The following SHANK2 variants were observed in gnomAD, a reference collection of about 807,000 sequenced individuals.
SHANK2 encodes SH3 and multiple ankyrin repeat domains protein 2.
A neutral mutation model predicts 133.7 loss-of-function variants in SHANK2; 43 were observed. The observed-to-expected ratio is 0.32, with a 90% CI of 0.25 to 0.41. The LOEUF (loss-of-function observed/expected upper bound fraction) is 0.41, where lower values mean the gene tolerates loss of function less well. Among genes scored for constraint, SHANK2 ranks in the 10% least tolerant of loss-of-function variants. The pLI is 1.00. For synonymous variants in SHANK2, 1,017 were observed against 952.8 expected (o/e 1.07, Z -1.24); for missense variants, 1,994 against 2,235.8 (o/e 0.89, Z 2.18).
intron 11 of SHANK2, among the ~76,000 whole-genome samples, chr11:70,831,414 A>C (rs572460305): frequency 6.6e-6 from 1 of 152,266 alleles, no homozygotes; most frequent in South Asian, 2.1e-4. Context: ...CTGGCTCTTC[A>C]GACACCAACT....
chr11:70,503,942 G>A (rs1175837208), intron 17 of SHANK2, among the ~76,000 whole-genome samples: 1 of 152,196 alleles, frequency 6.6e-6, no homozygotes, highest in Non-Finnish European at 1.5e-5. Context: ...AAAGGCCCCG[G>A]CCTCACCCCT....
Position 71,207,545 on chromosome 11 carries a change from G to A in SHANK2, c.-13+17152C>T, listed in dbSNP as rs1389619340. Among the ~76,000 whole-genome samples, 4 of 152,194 alleles carry A rather than the reference G, an allele frequency of 2.6e-5. No individual in the cohort carries two copies. The South Asian group carries it at 6.2e-4, about 24-fold the overall frequency. Reference sequence around the variant, plus strand: ...CCTCCTACATTAGGTTTGTTTGCTTGTTGTGGTGAATTACATTCTCTCTGA... The same window carrying A: ...CCTCCTACATTAGGTTTGTTTGCTTATTGTGGTGAATTACATTCTCTCTGA... On this transcript the variant is annotated intron_variant, in intron 2 of 25. Transcript: ENST00000601538.
chr11:71,097,561 T>C (rs1459643521), intron 6 of SHANK2, among the ~76,000 whole-genome samples: 6 of 152,174 alleles, frequency 3.9e-5, no homozygotes, highest in Admixed American at 3.9e-4. Context: ...GAAACACCTG[T>C]AATATTTTGA....
intron 25 of SHANK2, among the ~76,000 whole-genome samples, chr11:70,475,631 G>A (rs2058652880): frequency 6.6e-6 from 1 of 152,188 alleles, no homozygotes; most frequent in Non-Finnish European, 1.5e-5. Flanking sequence ...AAATCTGAAA[G>A]GGGCCTGTGC....
chr11:70,939,982 G>A (rs76519636), intron 10 of SHANK2, among the ~76,000 whole-genome samples: 1 of 151,976 alleles, frequency 6.6e-6, no homozygotes, highest in Non-Finnish European at 1.5e-5. Flanking sequence ...CTGGGGTGGG[G>A]GTCCAGAGAT....
intron 15 of SHANK2, among the ~76,000 whole-genome samples, chr11:70,682,320 C>T (rs1279703608): frequency 6.6e-6 from 1 of 152,216 alleles, no homozygotes; most frequent in Non-Finnish European, 1.5e-5. Flanking sequence ...CAACAGAGTG[C>T]AGAAACAAAC....
intron 17 of SHANK2, among the ~76,000 whole-genome samples, chr11:70,592,410 C>T (rs1462615536): frequency 1.3e-5 from 2 of 152,188 alleles, no homozygotes; most frequent in African/African-American, 2.4e-5. Flanking sequence ...GGAGCTTCCA[C>T]GCAGGCTTTT....
chr11:70,727,046 G>A (rs1946193505), intron 14 of SHANK2, among the ~76,000 whole-genome samples: 1 of 152,222 alleles, frequency 6.6e-6, no homozygotes, highest in South Asian at 2.1e-4. Context: ...ACAGAATCAT[G>A]AGACAAATGA....
At chr11:70,806,243 C>A (rs1462081467) in intron 13 of SHANK2, among the ~76,000 whole-genome samples, 2 of 152,202 alleles carry the variant, frequency 1.3e-5, no homozygotes, top group Non-Finnish European at 2.9e-5. Flanking sequence ...AATGGCGGGG[C>A]CCGGGCATGC....
At chr11:71,072,240 C>A (rs1156512425) in intron 9 of SHANK2, among the ~76,000 whole-genome samples, 2 of 152,044 alleles carry the variant, frequency 1.3e-5, no homozygotes, top group African/African-American at 4.8e-5. Flanking sequence ...AGGCCGCCCC[C>A]ACCACTTAAC....
chr11:71,101,229 G>T (rs1172650140), intron 6 of SHANK2, among the ~76,000 whole-genome samples: 1 of 152,142 alleles, frequency 6.6e-6, no homozygotes, highest in Non-Finnish European at 1.5e-5. Flanking sequence ...CCCAAGACAG[G>T]CTCCTGTGGA....
chr11:71,104,865 T>C (rs1449180047), intron 6 of SHANK2, among the ~76,000 whole-genome samples: 1 of 152,250 alleles, frequency 6.6e-6, no homozygotes, highest in Non-Finnish European at 1.5e-5. Context: ...CTGCGCTGTC[T>C]GCAGCCGACC....
At chr11:70,680,052 T>C (rs575996496) in intron 15 of SHANK2, among the ~76,000 whole-genome samples, 1 of 152,214 alleles carries the variant, frequency 6.6e-6, no homozygotes, top group South Asian at 2.1e-4. Flanking sequence ...AGAGGCGGCA[T>C]TTCCTGTCCT....
chr11:70,809,179 G>C (rs1330580103), intron 12 of SHANK2, among the ~76,000 whole-genome samples: 3 of 152,222 alleles, frequency 2.0e-5, no homozygotes, highest in African/African-American at 7.2e-5. Context: ...TGCTCAGAAA[G>C]ACAGGGAAAG....
intron 15 of SHANK2, among the ~76,000 whole-genome samples, chr11:70,670,756 G>A (rs1944784297): frequency 6.6e-6 from 1 of 152,208 alleles, no homozygotes; most frequent in Non-Finnish European, 1.5e-5. Context: ...GACAGCCCCG[G>A]CCAGCCTGCT....
intron 1 of SHANK2, among the ~76,000 whole-genome samples, chr11:71,244,855 C>T (rs1954940961): frequency 6.6e-6 from 1 of 152,118 alleles, no homozygotes; most frequent in African/African-American, 2.4e-5. Context: ...AAGTGTGCCC[C>T]ACTGTGCCTG....
intron 17 of SHANK2, among the ~76,000 whole-genome samples, chr11:70,656,106 C>T (rs938400083): frequency 1.3e-5 from 2 of 152,150 alleles, no homozygotes; most frequent in African/African-American, 4.8e-5. Context: ...TAGCACATGT[C>T]GTGAACTTCA....
intron 15 of SHANK2, among the ~76,000 whole-genome samples, chr11:70,684,003 C>T (rs1256951390): frequency 1.3e-5 from 2 of 152,074 alleles, no homozygotes; most frequent in African/African-American, 2.4e-5. Flanking sequence ...AGGCTGGTCT[C>T]GAACTTCTGG....
chr11:71,140,556 G>A (rs1395946512), intron 3 of SHANK2, among the ~76,000 whole-genome samples: 1 of 152,228 alleles, frequency 6.6e-6, no homozygotes, highest in East Asian at 1.9e-4. Context: ...TGGCTGAGAT[G>A]ACCGGGGCCT....
Sources: allele counts gnomAD v4.1 joint callset (sites outside exome capture counted in the v4.1 genomes callset), GRCh38; gene constraint gnomAD v4.1.1; transcripts MANE v1.5; gene names NCBI Gene and HGNC (gene_info 2026-07-23, HGNC 2026-07-21).